The following LRBA variants were observed in gnomAD, a reference collection of about 807,000 sequenced individuals.
LRBA encodes the protein lipopolysaccharide-responsive and beige-like anchor protein.
A neutral mutation model predicts 330.0 loss-of-function variants in LRBA; 176 were observed. That is an observed-to-expected ratio of 0.53 (90% CI 0.47 to 0.60). The LOEUF (loss-of-function observed/expected upper bound fraction) is 0.60, where lower values mean the gene tolerates loss of function less well. Ranked by LOEUF, LRBA falls within the 20% of genes least tolerant of loss-of-function variation. LRBA has a pLI of 0.00. For synonymous variants in LRBA, 1,230 were observed against 1,193.0 expected (o/e 1.03, Z -0.64); for missense variants, 3,259 against 3,444.8 (o/e 0.95, Z 1.35).
In LRBA at chr4:150,866,548, T is replaced by G. The variant is rs1048747438; in HGVS notation, c.2766+1123A>C. Among the ~76,000 whole-genome samples, 3 of 152,358 alleles carry G rather than the reference T, an allele frequency of 2.0e-5. No homozygotes were observed. The East Asian group carries it at 5.8e-4, about 29-fold the overall frequency. On this transcript the variant is annotated intron_variant, in intron 22 of 56. Transcript: ENST00000651943. ...ACACTGCTGGTGATATGTAAACTGA[T>G]ACACTACTTTAGAATACTGTATTGT...
At chr4:150,315,879 A>G (rs1316401175) in intron 50 of LRBA, among the ~76,000 whole-genome samples, 1 of 152,184 alleles carries the variant, frequency 6.6e-6, no homozygotes, top group African/African-American at 2.4e-5. Context: ...CAGATGCTTG[A>G]CTGGCAACCT....
chr4:150,966,370 T>G (rs1738885925), intron 2 of LRBA, among the ~76,000 whole-genome samples: 1 of 151,678 alleles, frequency 6.6e-6, no homozygotes, highest in Non-Finnish European at 1.5e-5. Flanking sequence ...TGCAGTGGCA[T>G]GATCTTGACA....
intron 17 of LRBA, among the ~76,000 whole-genome samples, chr4:150,891,734 A>C (rs1372702196): frequency 6.6e-6 from 1 of 152,218 alleles, no homozygotes; most frequent in Non-Finnish European, 1.5e-5. Context: ...ACCCACGCAC[A>C]CACTATTGGT....
chr4:150,430,882 G>A (rs1253016482), intron 46 of LRBA, among the ~76,000 whole-genome samples: 2 of 152,004 alleles, frequency 1.3e-5, no homozygotes, highest in Admixed American at 6.6e-5. Context: ...ATTTCTACAG[G>A]AGAGAAAGAA....
intron 40 of LRBA, among the ~76,000 whole-genome samples, chr4:150,571,419 T>C (rs1184372723): frequency 1.3e-5 from 2 of 151,918 alleles, no homozygotes; most frequent in Admixed American, 1.3e-4. Context: ...CCTCAAAAGG[T>C]AACTAATTCA....
rs551081399 is a variant in LRBA at position 150,860,598 on chromosome 4, C to T, written c.2766+7073G>A. On this transcript the variant is annotated intron_variant, in intron 22 of 56. Transcript: ENST00000651943. Reference sequence around the variant, plus strand: ...ATCCCAGCATTTTGGGAGGCTGAGGCGCGTGGATCACGAGGTCAGGAGATC... The same window carrying T: ...ATCCCAGCATTTTGGGAGGCTGAGGTGCGTGGATCACGAGGTCAGGAGATC... Among the ~76,000 whole-genome samples, 5 of 152,198 alleles carry T rather than the reference C, an allele frequency of 3.3e-5. No homozygotes were observed. The East Asian group carries it at 5.8e-4, about 18-fold the overall frequency.
intron 53 of LRBA, among the ~76,000 whole-genome samples, chr4:150,293,291 C>T (rs1463104585): frequency 1.3e-5 from 2 of 152,148 alleles, no homozygotes; most frequent in East Asian, 1.9e-4. Flanking sequence ...TTTGCTAAAG[C>T]GGAAATGAGC....
rs537235400 is a variant in LRBA at position 150,294,951 on chromosome 4, T to TA, written c.8017+7673dup. ...GGTGACAGAGAGATACTCTGTCTCT[T>TA]AAAAAAAAAAAATAGTAGTAGTAGT... On this transcript the variant is annotated intron_variant, in intron 53 of 56. Coordinates refer to ENST00000651943, the MANE Select transcript of LRBA (RefSeq NM_001364905.1). 3.5e-3 allele frequency among the ~76,000 whole-genome samples: 514 copies of TA among 146,152 alleles called. 26 individuals are homozygous for TA. In the South Asian group the frequency reaches 0.091, roughly 26 times the overall value.
intron 42 of LRBA, among the ~76,000 whole-genome samples, chr4:150,479,700 G>T (rs1200988406): frequency 3.3e-5 from 5 of 152,278 alleles, no homozygotes; most frequent in African/African-American, 1.2e-4. Context: ...AAATGATGGT[G>T]TATAACTATC....
At chr4:150,826,561 T>G (rs1207829346) in intron 30 of LRBA, among the ~76,000 whole-genome samples, 3 of 152,210 alleles carry the variant, frequency 2.0e-5, no homozygotes, top group Non-Finnish European at 4.4e-5. Context: ...ATCCTTTTTC[T>G]GGATTGGTTC....
chr4:150,542,786 T>C (rs1765449943), intron 40 of LRBA, among the ~76,000 whole-genome samples: 2 of 152,120 alleles, frequency 1.3e-5, no homozygotes, highest in Non-Finnish European at 2.9e-5. Context: ...AACTCAATGA[T>C]TTAAAATCAC....
chr4:150,331,473 A>G (rs571210237), intron 48 of LRBA, among the ~76,000 whole-genome samples: 24 of 152,328 alleles, frequency 1.6e-4, no homozygotes, highest in African/African-American at 5.1e-4. Context: ...GAATAGGATA[A>G]TGAATCCCCA....
intron 47 of LRBA, among the ~76,000 whole-genome samples, chr4:150,379,517 T>C (rs1027223754): frequency 1.3e-5 from 2 of 152,136 alleles, no homozygotes; most frequent in South Asian, 2.1e-4. Context: ...TGGGTTCACA[T>C]TGAGAAAAGT....
Position 150,350,089 on chromosome 4 carries a change from T to C in LRBA, c.7265A>G (p.Gln2422Arg). Residue 2422 changes from glutamine (Q) to arginine (R), a missense_variant, in exon 48 of 57, where the codon CAA becomes CGA. Coordinates refer to ENST00000651943, the MANE Select transcript of LRBA (RefSeq NM_001364905.1). ...GAGGGCTCGGACAGCTTCTGGTCCT[T>C]GCTGTTTATAGCCAAAAATGAGATC... ...WIDLIFGYKQQGPEAVRALNV... is the reference protein window; with the variant it reads ...WIDLIFGYKQRGPEAVRALNV... The C allele has an allele frequency of 1.2e-6, 2 of 1,609,696 alleles. No individual in the cohort carries two copies. Among genetic ancestry groups the C allele is most frequent in the Non-Finnish European group, 1.7e-6 (2 of 1,178,484 alleles).
intron 48 of LRBA, among the ~76,000 whole-genome samples, chr4:150,346,562 C>A (rs1240706003): frequency 1.3e-5 from 2 of 151,748 alleles, no homozygotes; most frequent in East Asian, 3.9e-4. Context: ...GAGTTCGAGA[C>A]CAGCCTGGCT....
intron 33 of LRBA, among the ~76,000 whole-genome samples, chr4:150,804,028 A>C (rs376722836): frequency 5.5e-4 from 84 of 152,278 alleles, no homozygotes; most frequent in African/African-American, 1.8e-3. Context: ...ACTGTAATAA[A>C]ATTAAACATA....
At chr4:150,739,904 C>A (rs1404757108) in intron 35 of LRBA, among the ~76,000 whole-genome samples, 4 of 152,172 alleles carry the variant, frequency 2.6e-5, no homozygotes, top group Admixed American at 2.6e-4. Flanking sequence ...CTCTGGCCAG[C>A]ACCTCAATTG....
At chr4:150,664,795 T>A (rs74774915) in intron 37 of LRBA, among the ~76,000 whole-genome samples, 5,169 of 152,308 alleles carry the variant, frequency 0.034, 173 homozygotes, top group Non-Finnish European at 0.046. Context: ...TTTCTTCTAC[T>A]CATGAATAGA....
At chr4:150,272,540 C>G (rs1023637675) in intron 56 of LRBA, among the ~76,000 whole-genome samples, 1 of 151,812 alleles carries the variant, frequency 6.6e-6, no homozygotes, top group African/African-American at 2.4e-5. Flanking sequence ...ACGTTCTAAT[C>G]CAATGCAAGG....
Sources: gnomAD v4.1 joint callset for allele counts (sites outside exome capture counted in the v4.1 genomes callset) on GRCh38, gnomAD v4.1.1 for gene constraint, MANE v1.5 for transcripts, NCBI Gene and HGNC (gene_info 2026-07-23, HGNC 2026-07-21) for gene names.